PRKN: variants seen among roughly 807,000 people sequenced by gnomAD.
PRKN encodes the protein E3 ubiquitin-protein ligase parkin.
Under a neutral mutation model 59.5 loss-of-function variants are expected in PRKN, and 56 were observed. The observed-to-expected ratio is 0.94, with a 90% CI of 0.76 to 1.18. The LOEUF (loss-of-function observed/expected upper bound fraction) is 1.18. Among genes scored for constraint, PRKN ranks in the 50% most tolerant of loss-of-function variants. The pLI is 0.00. For synonymous variants in PRKN, 250 were observed against 222.1 expected (o/e 1.13, Z -1.12); for missense variants, 657 against 596.4 (o/e 1.10, Z -1.06).
chr6:161,480,211 CA>C lies in PRKN; in HGVS notation c.1083+68642del, dbSNP rs997603096. On this transcript the variant is annotated intron_variant, in intron 9 of 11. Transcript: ENST00000366898. This position sits in a 1 kb window ranked among gnomAD's most constrained non-coding sequence, Gnocchi z 4.1. ...TCATGACTATATAATTTGTGAAGCC[CA>C]GTGCAAAACAAAGACACAGAGCCCC... 1.3e-5 allele frequency among the ~76,000 whole-genome samples: 2 copies of C among 152,270 alleles called. No individual in the cohort carries two copies. Among genetic ancestry groups the C allele is most frequent in the African/African-American group, 4.8e-5 (2 of 41,538 alleles).
intron 1 of PRKN, among the ~76,000 whole-genome samples, chr6:162,689,309 A>C (rs113524048): frequency 2.0e-5 from 3 of 152,202 alleles, no homozygotes; most frequent in East Asian, 1.9e-4. Context: ...AAAGAAGAAG[A>C]AGCCTCTTAT....
intron 6 of PRKN, among the ~76,000 whole-genome samples, chr6:161,795,303 G>A (rs1378116376): frequency 1.4e-5 from 2 of 146,578 alleles, no homozygotes; most frequent in African/African-American, 5.1e-5. Context: ...CGCAATCTCG[G>A]CTCACTGTAG....
intron 1 of PRKN, among the ~76,000 whole-genome samples, chr6:162,610,909 G>T (rs908612254): frequency 1.3e-5 from 2 of 152,066 alleles, no homozygotes; most frequent in African/African-American, 4.8e-5. Context: ...TATGCAATTA[G>T]AATAAAGTTG....
intron 7 of PRKN, among the ~76,000 whole-genome samples, chr6:161,630,801 C>T (rs1455238815): frequency 6.6e-6 from 1 of 152,156 alleles, no homozygotes; most frequent in Non-Finnish European, 1.5e-5. Flanking sequence ...ACACGTGGTT[C>T]TCTGCCAGCA....
At chr6:161,827,422 A>G (rs776863876) in intron 6 of PRKN, among the ~76,000 whole-genome samples, 2 of 152,134 alleles carry the variant, frequency 1.3e-5, no homozygotes, top group Non-Finnish European at 2.9e-5. Flanking sequence ...ATGTATCTAT[A>G]TAACTGTGGC....
chr6:162,405,606 G>A (rs529109507), intron 2 of PRKN, among the ~76,000 whole-genome samples: 38 of 152,222 alleles, frequency 2.5e-4, no homozygotes, highest in African/African-American at 8.4e-4. Context: ...TGGGGGACAC[G>A]GCCTTTAAAG....
intron 2 of PRKN, among the ~76,000 whole-genome samples, chr6:162,440,899 T>G (rs1320169510): frequency 6.6e-6 from 1 of 151,916 alleles, no homozygotes; most frequent in Non-Finnish European, 1.5e-5. Context: ...CAAGAATATC[T>G]AGGATGCTAA....
chr6:161,469,983 T>G (rs577769814), intron 9 of PRKN, among the ~76,000 whole-genome samples: 1 of 152,220 alleles, frequency 6.6e-6, no homozygotes, highest in East Asian at 1.9e-4. Context: ...GCTTGCAAAG[T>G]GCTTACTATG....
intron 7 of PRKN, among the ~76,000 whole-genome samples, chr6:161,589,543 T>C (rs1180117211): frequency 6.6e-6 from 1 of 151,936 alleles, no homozygotes; most frequent in Non-Finnish European, 1.5e-5. Flanking sequence ...TAACTCGTGG[T>C]CAAAGTTTTC....
intron 1 of PRKN, among the ~76,000 whole-genome samples, chr6:162,652,429 T>A (rs1172861512): frequency 2.0e-5 from 3 of 152,212 alleles, no homozygotes; most frequent in Non-Finnish European, 2.9e-5. Context: ...CTCAGTACCA[T>A]AGTCTCTATC....
intron 3 of PRKN, among the ~76,000 whole-genome samples, chr6:162,212,982 A>G (rs1228855387): frequency 2.0e-5 from 3 of 152,172 alleles, no homozygotes; most frequent in Non-Finnish European, 2.9e-5. Context: ...TTATGGGGCC[A>G]TTGTTATATA....
intron 3 of PRKN, among the ~76,000 whole-genome samples, chr6:162,237,876 C>T (rs554122277): frequency 6.6e-6 from 1 of 152,184 alleles, no homozygotes; most frequent in Non-Finnish European, 1.5e-5. Context: ...AGAAAACAGG[C>T]AGTCTCAGTC....
chr6:162,325,801 C>T (rs1583383091), intron 2 of PRKN, among the ~76,000 whole-genome samples: 1 of 152,074 alleles, frequency 6.6e-6, no homozygotes, highest in South Asian at 2.1e-4. Context: ...GACTTTGTAA[C>T]AGTTTAAAAT....
rs1247187053 is a variant in PRKN at position 161,946,414 on chromosome 6, A to ACACACACACT, written c.734+26887_734+26888insAGTGTGTGTG. Among the ~76,000 whole-genome samples, 591 of 114,422 alleles carry ACACACACACT rather than the reference A, an allele frequency of 5.2e-3. 5 individuals are homozygous for ACACACACACT. The highest frequency in any genetic ancestry group is 0.017 in the South Asian group (47 of 2,800). 75.1% of individuals were successfully genotyped at this position (114,422 alleles called of 152,430 possible). On this transcript the variant is annotated intron_variant, in intron 6 of 11. Transcript: ENST00000366898. ...CACACACACACACACACACACACACACTCTCTCTCTCTCTCTCTCTCTCTC... is the reference window on the plus strand; with the variant it reads ...CACACACACACACACACACACACACACACACACACTCTCTCTCTCTCTCTCTCTCTCTCTC...
chr6:162,355,724 A>AC (rs959400896), intron 2 of PRKN, among the ~76,000 whole-genome samples: 2 of 151,786 alleles, frequency 1.3e-5, no homozygotes, highest in Non-Finnish European at 2.9e-5. Context: ...AAAAAAAAAA[A>AC]ACATGGTCAA....
At chr6:161,833,069 T>C (rs867982956) in intron 6 of PRKN, among the ~76,000 whole-genome samples, 3 of 152,148 alleles carry the variant, frequency 2.0e-5, no homozygotes, top group Admixed American at 6.5e-5. Context: ...ATACAATTAG[T>C]TCACTGTAGA....
chr6:162,637,149 C>T (rs1777747383), intron 1 of PRKN, among the ~76,000 whole-genome samples: 2 of 151,486 alleles, frequency 1.3e-5, no homozygotes, highest in African/African-American at 4.9e-5. Context: ...CCCAGCTACT[C>T]GGGAGGCTGA....
At chr6:161,535,397 C>A (rs1432190533) in intron 9 of PRKN, among the ~76,000 whole-genome samples, 2 of 152,002 alleles carry the variant, frequency 1.3e-5, no homozygotes. Flanking sequence ...AGACTTTTTT[C>A]TTTTCCTGCA....
At chr6:161,830,436 T>C (rs982164490) in intron 6 of PRKN, among the ~76,000 whole-genome samples, 1 of 152,038 alleles carries the variant, frequency 6.6e-6, no homozygotes, top group African/African-American at 2.4e-5. Context: ...CTGTTTTTAG[T>C]AGAGACAGTG....
Sources: allele counts gnomAD v4.1 joint callset (sites outside exome capture counted in the v4.1 genomes callset), GRCh38; gene constraint gnomAD v4.1.1; non-coding constraint Gnocchi (gnomAD v3.1); transcripts MANE v1.5; gene names NCBI Gene and HGNC (gene_info 2026-07-23, HGNC 2026-07-21).